Variants in PDS5A observed in about 807,000 individuals in gnomAD.
PDS5A encodes PDS5 cohesin associated factor A.
In PDS5A, 42 loss-of-function variants were observed where a neutral mutation model predicts 167.1. The observed-to-expected ratio is 0.25, with a 90% CI of 0.20 to 0.33. PDS5A has a LOEUF of 0.33. PDS5A is among the 10% of genes least tolerant of loss of function. PDS5A has a pLI of 1.00. For synonymous variants in PDS5A, 553 were observed against 554.6 expected (o/e 1.00, Z 0.04); for missense variants, 1,033 against 1,605.9 (o/e 0.64, Z 6.10).
chr4:39,840,118 G>C (rs1172787209), intron 31 of PDS5A, among the ~76,000 whole-genome samples: 2 of 149,160 alleles, frequency 1.3e-5, no homozygotes, highest in African/African-American at 4.9e-5. Context: ...AAACAAAACA[G>C]AACAAAAAAA....
chr4:39,849,405 A>C, intron 27 of PDS5A, 115 bp downstream of exon 27: 1,450 of 608,730 alleles, frequency 2.4e-3, no homozygotes, highest in Non-Finnish European at 3.0e-3. Flanking sequence ...TTACTTTTGT[A>C]AACATTCTAA....
chr4:39,864,001 G>A (rs540379313), intron 23 of PDS5A, among the ~76,000 whole-genome samples: 4 of 152,020 alleles, frequency 2.6e-5, no homozygotes, highest in African/African-American at 7.2e-5. Context: ...GTGGTGGCAC[G>A]CACTTGTAGT....
At chr4:39,837,711 G>T in intron 32 of PDS5A, 145 bp downstream of exon 32, 1 of 575,022 alleles carries the variant, frequency 1.7e-6, no homozygotes, top group Non-Finnish European at 3.0e-6. Context: ...GATAATAACA[G>T]ATGCTATTAT....
intron 16 of PDS5A, among the ~76,000 whole-genome samples, chr4:39,895,140 C>T (rs888477871): frequency 4.2e-5 from 6 of 142,992 alleles, no homozygotes; most frequent in African/African-American, 1.3e-4. Context: ...GGCAAGAGAA[C>T]GCAGTGAGCC....
intron 11 of PDS5A, among the ~76,000 whole-genome samples, chr4:39,904,884 TC>T (rs1254398645): frequency 6.6e-6 from 1 of 152,204 alleles, no homozygotes; most frequent in Non-Finnish European, 1.5e-5. Flanking sequence ...GAAAGAAAAT[TC>T]ACCAAGTTTT....
rs1388287764 is a variant in PDS5A at position 39,906,929 on chromosome 4, A to T, written c.1233+1466T>A. On this transcript the variant is annotated intron_variant, in intron 11 of 32. Transcript: ENST00000303538. ...GAGATTTCTTACATAAAAAAAAAAA[A>T]AAAAAAAAAAAAAACAAGCAATAAA... 7.9e-5 allele frequency among the ~76,000 whole-genome samples: 12 copies of T among 151,158 alleles called. No individual in the cohort carries two copies. In the East Asian group the frequency reaches 1.9e-3, roughly 24 times the overall value.
chr4:39,917,723 C>G (rs1036873820), intron 7 of PDS5A, among the ~76,000 whole-genome samples: 11 of 152,174 alleles, frequency 7.2e-5, no homozygotes, highest in African/African-American at 2.4e-4. Context: ...TACAGGAACC[C>G]GCCACCATGC....
At chr4:39,926,450 G>A (rs1725474135) in intron 4 of PDS5A, among the ~76,000 whole-genome samples, 3 of 151,462 alleles carry the variant, frequency 2.0e-5, no homozygotes, top group Admixed American at 6.6e-5. Flanking sequence ...CCTGGGAGGC[G>A]GAGGTTGTGG....
At chr4:39,937,991 G>T (rs148661769) in intron 2 of PDS5A, among the ~76,000 whole-genome samples, 6 of 152,262 alleles carry the variant, frequency 3.9e-5, no homozygotes, top group African/African-American at 1.4e-4. Context: ...TAAAAAGACT[G>T]TAACCTACTC....
chr4:39,846,647 C>T (rs574875364), intron 28 of PDS5A: 4 of 152,328 alleles, frequency 2.6e-5, no homozygotes, highest in African/African-American at 7.2e-5. Context: ...GGAGTTCAAA[C>T]TTGATCTCTT....
At chr4:39,837,764 G>C (rs1716562559) in intron 32 of PDS5A, 92 bp downstream of exon 32, 2 of 861,092 alleles carry the variant, frequency 2.3e-6, no homozygotes, top group Admixed American at 5.8e-5. Flanking sequence ...TCTCTCAAAT[G>C]CTTAGGTGTT....
intron 7 of PDS5A, 67 bp from the exon 8 acceptor site, chr4:39,917,255 T>C: frequency 9.6e-7 from 1 of 1,040,468 alleles, no homozygotes; most frequent in Admixed American, 3.1e-5. Flanking sequence ...ACATTTTTAA[T>C]AAACATTTTT....
intron 17 of PDS5A, among the ~76,000 whole-genome samples, chr4:39,887,017 T>C (rs1486052134): frequency 6.6e-6 from 1 of 152,128 alleles, no homozygotes; most frequent in Non-Finnish European, 1.5e-5. Context: ...AAAACAGTTT[T>C]TCGGTGGAGT....
At chr4:39,860,633 T>C (rs1214969641) in intron 26 of PDS5A, among the ~76,000 whole-genome samples, 3 of 152,112 alleles carry the variant, frequency 2.0e-5, no homozygotes, top group Non-Finnish European at 4.4e-5. Flanking sequence ...TATACACACA[T>C]ACAATGAAAA....
At chr4:39,892,816 GGA>G (rs1039780408) in intron 16 of PDS5A, among the ~76,000 whole-genome samples, 5 of 152,186 alleles carry the variant, frequency 3.3e-5, no homozygotes, top group Admixed American at 3.3e-4. Context: ...GTTAAAAGAT[GGA>G]GAGATTCATG....
intron 10 of PDS5A, among the ~76,000 whole-genome samples, chr4:39,909,037 T>C (rs1017818432): frequency 2.1e-5 from 1 of 47,382 alleles, no homozygotes; most frequent in Admixed American, 2.9e-4. Context: ...ACGCCCTGTA[T>C]CAAAAAATAA....
intron 2 of PDS5A, chr4:39,932,458 A>G (rs1726164388): frequency 4.6e-6 from 1 of 218,176 alleles, no homozygotes; most frequent in Admixed American, 4.3e-5. Flanking sequence ...AATACACACA[A>G]CCAAGGGGAG....
At chr4:39,840,411 G>C (rs1716882512) in intron 31 of PDS5A, among the ~76,000 whole-genome samples, 1 of 152,192 alleles carries the variant, frequency 6.6e-6, no homozygotes, top group Admixed American at 6.5e-5. Flanking sequence ...GAGGAGGGTG[G>C]ATCACCTGAG....
At chr4:39,874,072 A>G (rs1410288903) in intron 20 of PDS5A, among the ~76,000 whole-genome samples, 1 of 152,098 alleles carries the variant, frequency 6.6e-6, no homozygotes, top group Non-Finnish European at 1.5e-5. Context: ...AAAAACCACA[A>G]AACCCTTCAA....
Sources: allele counts gnomAD v4.1 joint callset (sites outside exome capture counted in the v4.1 genomes callset), GRCh38; gene constraint gnomAD v4.1.1; transcripts MANE v1.5; gene names NCBI Gene and HGNC (gene_info 2026-07-23, HGNC 2026-07-21).